The following PARD3 variants were observed in gnomAD, a reference collection of about 807,000 sequenced individuals.
PARD3 encodes partitioning defective 3 homolog.
In PARD3, 75 loss-of-function variants were observed where a neutral mutation model predicts 155.4. The observed-to-expected ratio is 0.48, with a 90% CI of 0.40 to 0.58. The LOEUF (loss-of-function observed/expected upper bound fraction) is 0.58, where lower values mean the gene tolerates loss of function less well. Among genes scored for constraint, PARD3 ranks in the 20% least tolerant of loss-of-function variants. PARD3 has a pLI of 0.00. For synonymous variants in PARD3, 576 were observed against 610.5 expected (o/e 0.94, Z 0.83); for missense variants, 1,642 against 1,721.7 (o/e 0.95, Z 0.82).
intron 4 of PARD3, among the ~76,000 whole-genome samples, chr10:34,462,112 A>G (rs917356488): frequency 6.6e-6 from 1 of 152,256 alleles, no homozygotes; most frequent in Non-Finnish European, 1.5e-5. Flanking sequence ...GAAGGGTAAA[A>G]TTTATAGTTA....
intron 3 of PARD3, among the ~76,000 whole-genome samples, chr10:34,482,730 G>A (rs2079164293): frequency 1.3e-5 from 2 of 152,110 alleles, no homozygotes; most frequent in Non-Finnish European, 2.9e-5. Context: ...GAGCAATGAG[G>A]AGATTGAAGC....
At chr10:34,574,178 CA>C (rs2086702595) in intron 2 of PARD3, among the ~76,000 whole-genome samples, 1 of 151,426 alleles carries the variant, frequency 6.6e-6, no homozygotes, top group South Asian at 2.1e-4. Context: ...TGTAGGATAC[CA>C]AAAGATTTAC....
At chr10:34,435,697 T>C (rs1317259539) in intron 5 of PARD3, among the ~76,000 whole-genome samples, 1 of 152,212 alleles carries the variant, frequency 6.6e-6, no homozygotes, top group East Asian at 1.9e-4. Flanking sequence ...ATATTTCACA[T>C]AGGTGGCTTC....
chr10:34,541,478 C>T (rs558598213), intron 2 of PARD3, among the ~76,000 whole-genome samples: 2 of 152,296 alleles, frequency 1.3e-5, no homozygotes, highest in African/African-American at 4.8e-5. Context: ...AATTCATAGG[C>T]AGCCTTCCAT....
intron 23 of PARD3, among the ~76,000 whole-genome samples, chr10:34,129,426 T>G (rs1340141229): frequency 6.6e-6 from 1 of 152,154 alleles, no homozygotes; most frequent in Non-Finnish European, 1.5e-5. Context: ...GTGCTGGGAT[T>G]ACAGGCACAA....
At chr10:34,796,603 T>C (rs193210830) in intron 1 of PARD3, among the ~76,000 whole-genome samples, 1 of 152,362 alleles carries the variant, frequency 6.6e-6, no homozygotes, top group Admixed American at 6.5e-5. Flanking sequence ...TACTAGTCAG[T>C]TCCCATAGTT....
chr10:34,755,618 C>T (rs1277318854), intron 1 of PARD3, among the ~76,000 whole-genome samples: 1 of 152,094 alleles, frequency 6.6e-6, no homozygotes, highest in Non-Finnish European at 1.5e-5. Context: ...ATGTTGGCAT[C>T]TGATCAGCTT....
At chr10:34,356,392 C>A (rs754748314) in intron 14 of PARD3, among the ~76,000 whole-genome samples, 1 of 152,042 alleles carries the variant, frequency 6.6e-6, no homozygotes, top group African/African-American at 2.4e-5. Context: ...ATAAAGAAGA[C>A]ATATTAAGAT....
At chr10:34,788,050 T>C (rs541076896) in intron 1 of PARD3, among the ~76,000 whole-genome samples, 1 of 151,624 alleles carries the variant, frequency 6.6e-6, no homozygotes, top group African/African-American at 2.4e-5. Context: ...TCCGAAAGTG[T>C]TGGGACTACA....
At chr10:34,396,904 G>T (rs536740887) in intron 7 of PARD3, among the ~76,000 whole-genome samples, 1 of 151,900 alleles carries the variant, frequency 6.6e-6, no homozygotes, top group Non-Finnish European at 1.5e-5. Flanking sequence ...ATCATCTTCC[G>T]CAACAAGCCA....
chr10:34,438,590 G>C (rs537858309), intron 5 of PARD3, among the ~76,000 whole-genome samples: 1 of 152,180 alleles, frequency 6.6e-6, no homozygotes, highest in East Asian at 1.9e-4. Context: ...GGGACATTAT[G>C]AACTTTTTCC....
At chr10:34,373,841 T>C (rs1000342727) in intron 11 of PARD3, among the ~76,000 whole-genome samples, 8 of 151,890 alleles carry the variant, frequency 5.3e-5, no homozygotes, top group African/African-American at 1.9e-4. Context: ...ATTTATAATA[T>C]TTATAGAAAT....
chr10:34,806,181 C>G (rs1843357858), intron 1 of PARD3, among the ~76,000 whole-genome samples: 1 of 148,932 alleles, frequency 6.7e-6, no homozygotes, highest in Non-Finnish European at 1.5e-5. Context: ...AAGATGCACA[C>G]AACCATGTCT....
chr10:34,221,978 C>A (rs1952321131), intron 22 of PARD3, among the ~76,000 whole-genome samples: 1 of 152,210 alleles, frequency 6.6e-6, no homozygotes, highest in African/African-American at 2.4e-5. Context: ...TGTGAATACA[C>A]TTAATGTTAC....
At chr10:34,395,843 C>CAAAAA (rs1173283584) in intron 7 of PARD3, among the ~76,000 whole-genome samples, 1 of 23,292 alleles carries the variant, frequency 4.3e-5, no homozygotes, top group African/African-American at 7.9e-4. Flanking sequence ...GACTCCGTCT[C>CAAAAA]AAAAAAAAAA....
intron 14 of PARD3, among the ~76,000 whole-genome samples, chr10:34,356,453 A>G (rs1410301793): frequency 6.6e-6 from 1 of 152,232 alleles, no homozygotes; most frequent in Admixed American, 6.5e-5. Context: ...ACAAAGAACA[A>G]AAGATTTTCT....
chr10:34,766,715 C>T (rs1838152959), intron 1 of PARD3, among the ~76,000 whole-genome samples: 2 of 151,040 alleles, frequency 1.3e-5, no homozygotes, highest in Admixed American at 1.3e-4. Flanking sequence ...GAAACAAAGG[C>T]CTTTGAGGAA....
At chr10:34,711,666 T>G (rs983370526) in intron 1 of PARD3, among the ~76,000 whole-genome samples, 1 of 152,182 alleles carries the variant, frequency 6.6e-6, no homozygotes, top group Non-Finnish European at 1.5e-5. Flanking sequence ...CAAAGCACTG[T>G]GTTGCATAAC....
intron 2 of PARD3, among the ~76,000 whole-genome samples, chr10:34,666,816 T>TATATATATAC (rs765552982): frequency 0.013 from 1,156 of 88,620 alleles, 9 homozygotes; most frequent in African/African-American, 0.02. Flanking sequence ...TATATATATA[T>TATATATATAC]ACACACACAC....
Sources: gnomAD v4.1 joint callset for allele counts (sites outside exome capture counted in the v4.1 genomes callset) on GRCh38, gnomAD v4.1.1 for gene constraint, MANE v1.5 for transcripts, NCBI Gene and HGNC (gene_info 2026-07-23, HGNC 2026-07-21) for gene names.